The following DLGAP2 variants were observed in gnomAD, a reference collection of about 807,000 sequenced individuals.
DLGAP2 encodes DLG associated protein 2.
In DLGAP2, 26 loss-of-function variants were observed where a neutral mutation model predicts 100.3. That is an observed-to-expected ratio of 0.26 (90% CI 0.19 to 0.36). The LOEUF (loss-of-function observed/expected upper bound fraction) is 0.36. DLGAP2 is among the 10% of genes least tolerant of loss of function. The pLI is 1.00. For synonymous variants in DLGAP2, 886 were observed against 630.1 expected (o/e 1.41, Z -6.08); for missense variants, 1,858 against 1,453.2 (o/e 1.28, Z -4.53).
chr8:1,538,023 G>A, intron 4 of DLGAP2, among the ~76,000 whole-genome samples: 1 of 152,146 alleles, frequency 6.6e-6, no homozygotes, highest in East Asian at 1.9e-4. Context: ...AAGGGCAGCT[G>A]TAGCCTCATG....
At chr8:1,659,103 G>A (rs1203300713) in intron 8 of DLGAP2, among the ~76,000 whole-genome samples, 1 of 152,172 alleles carries the variant, frequency 6.6e-6, no homozygotes, top group Non-Finnish European at 1.5e-5. Flanking sequence ...TATTTACCCA[G>A]TAGTCATTCA....
intron 1 of DLGAP2, among the ~76,000 whole-genome samples, chr8:816,275 G>GC (rs1796475971): frequency 6.9e-6 from 1 of 144,988 alleles, no homozygotes; most frequent in African/African-American, 2.5e-5. Flanking sequence ...AATACCTTGG[G>GC]TTTTTTTTTT....
At chr8:1,062,066 G>A (rs1803101202) in intron 2 of DLGAP2, among the ~76,000 whole-genome samples, 1 of 151,052 alleles carries the variant, frequency 6.6e-6, no homozygotes, top group Non-Finnish European at 1.5e-5. Flanking sequence ...ACAGGAGATA[G>A]AGGCACCTGC....
intron 3 of DLGAP2, among the ~76,000 whole-genome samples, chr8:1,279,780 C>T (rs1799778873): frequency 6.6e-6 from 1 of 152,182 alleles, no homozygotes; most frequent in Admixed American, 6.5e-5. Flanking sequence ...AGAGCCAGAG[C>T]AAGTGGCAGG....
chr8:1,535,457 G>A (rs1254074488), intron 4 of DLGAP2, among the ~76,000 whole-genome samples: 1 of 152,220 alleles, frequency 6.6e-6, no homozygotes, highest in African/African-American at 2.4e-5. Context: ...GATTTTACGG[G>A]GCTGAGTGTG....
intron 5 of DLGAP2, 90 bp downstream of exon 5, chr8:1,549,773 A>C: frequency 7.5e-7 from 1 of 1,324,812 alleles, no homozygotes; most frequent in Non-Finnish European, 1.0e-6. Context: ...TAACAACTGC[A>C]TACACATTTA....
chr8:1,198,768 G>T (rs114244489), intron 2 of DLGAP2, among the ~76,000 whole-genome samples: 1 of 152,338 alleles, frequency 6.6e-6, no homozygotes, highest in South Asian at 2.1e-4. Context: ...ACACCTGAAC[G>T]ATGCTTCCCC....
chr8:1,140,513 G>A (rs74564943), intron 2 of DLGAP2, among the ~76,000 whole-genome samples: 244 of 152,254 alleles, frequency 1.6e-3, no homozygotes, highest in African/African-American at 5.3e-3. Flanking sequence ...GCCTCCTGGG[G>A]CTCTGGCCCT....
At chr8:776,743 A>G (rs185932834) in intron 1 of DLGAP2, among the ~76,000 whole-genome samples, 10 of 152,262 alleles carry the variant, frequency 6.6e-5, no homozygotes, top group Admixed American at 6.5e-4. Context: ...GTTCTTTTAC[A>G]TGTGCTGAGG....
intron 2 of DLGAP2, among the ~76,000 whole-genome samples, chr8:966,456 C>G (rs1365683773): frequency 1.3e-5 from 2 of 152,178 alleles, no homozygotes; most frequent in African/African-American, 4.8e-5. Context: ...AATCAAACAT[C>G]TTTTTCTGTA....
chr8:1,206,926 C>G (rs544912406), intron 2 of DLGAP2, among the ~76,000 whole-genome samples: 1 of 152,228 alleles, frequency 6.6e-6, no homozygotes, highest in East Asian at 1.9e-4. Context: ...CACAAGTGTT[C>G]CTTGTCATCC....
intron 8 of DLGAP2, among the ~76,000 whole-genome samples, chr8:1,655,767 G>A (rs1331434249): frequency 6.6e-6 from 1 of 152,230 alleles, no homozygotes; most frequent in Non-Finnish European, 1.5e-5. Context: ...ACACCTTGAA[G>A]ACCTGAAGGA....
At chr8:1,263,371 A>G (rs1019467409) in intron 3 of DLGAP2, among the ~76,000 whole-genome samples, 71 of 152,192 alleles carry the variant, frequency 4.7e-4, no homozygotes, top group Non-Finnish European at 6.6e-4. Context: ...GGAAAACACA[A>G]TCTGCATGCT....
intron 2 of DLGAP2, among the ~76,000 whole-genome samples, chr8:1,028,180 C>T (rs1387666452): frequency 6.9e-6 from 1 of 144,554 alleles, no homozygotes; most frequent in Non-Finnish European, 1.5e-5. Flanking sequence ...CGTTATTCTC[C>T]AGTTGGGGTG....
chr8:1,577,177 T>C (rs1365789907), intron 6 of DLGAP2, among the ~76,000 whole-genome samples: 1 of 152,174 alleles, frequency 6.6e-6, no homozygotes. Context: ...TTTCAGCTGA[T>C]AGCTGTGTTA....
chr8:1,449,173 C>G (rs1294415233), intron 3 of DLGAP2, among the ~76,000 whole-genome samples: 1 of 152,204 alleles, frequency 6.6e-6, no homozygotes, highest in Admixed American at 6.5e-5. Context: ...CTTATATGAT[C>G]ACGCTGACCA....
At chr8:1,043,370 A>G (rs1166177264) in intron 2 of DLGAP2, among the ~76,000 whole-genome samples, 1 of 116,970 alleles carries the variant, frequency 8.5e-6, no homozygotes, top group Non-Finnish European at 1.8e-5. Context: ...TGGGTGGTGG[A>G]CGTGGCTGGC....
chr8:942,237 A>C (rs879383240), intron 2 of DLGAP2, among the ~76,000 whole-genome samples: 1 of 152,186 alleles, frequency 6.6e-6, no homozygotes, highest in Admixed American at 6.5e-5. Flanking sequence ...GCAGGAGCCA[A>C]TGGGCCCAGC....
At chr8:1,043,474 G>A (rs1360824493) in intron 2 of DLGAP2, among the ~76,000 whole-genome samples, 1 of 151,916 alleles carries the variant, frequency 6.6e-6, no homozygotes, top group African/African-American at 2.4e-5. Flanking sequence ...GGTAGGTGGT[G>A]GATGTGTCTA....
Sources: gnomAD v4.1 joint callset for allele counts (sites outside exome capture counted in the v4.1 genomes callset) on GRCh38, gnomAD v4.1.1 for gene constraint, MANE v1.5 for transcripts, NCBI Gene and HGNC (gene_info 2026-07-23, HGNC 2026-07-21) for gene names.